DCC: variants seen among roughly 807,000 people sequenced by gnomAD.
DCC encodes the protein netrin receptor DCC.
Under a neutral mutation model 172.5 loss-of-function variants are expected in DCC, and 58 were observed. That is an observed-to-expected ratio of 0.34 (90% CI 0.27 to 0.42). The LOEUF (loss-of-function observed/expected upper bound fraction) is 0.42. Ranked by LOEUF, DCC falls within the 10% of genes least tolerant of loss-of-function variation. The pLI is 1.00. For synonymous variants in DCC, 709 were observed against 644.5 expected (o/e 1.10, Z -1.52); for missense variants, 1,740 against 1,791.0 (o/e 0.97, Z 0.51).
chr18:52,968,040 G>A (rs2040964347), intron 5 of DCC, among the ~76,000 whole-genome samples: 1 of 152,052 alleles, frequency 6.6e-6, no homozygotes, highest in Admixed American at 6.6e-5. Context: ...CAGAATAAAG[G>A]GATCTTGGAA....
intron 10 of DCC, among the ~76,000 whole-genome samples, chr18:53,206,173 A>ATATATAATATATAT (rs1383985841): frequency 0.066 from 51 of 772 alleles, no homozygotes; most frequent in Non-Finnish European, 0.17. Flanking sequence ...ATACATATAC[A>ATATATAATATATAT]TATATAATAC....
At chr18:53,447,803 A>AT (rs1599161477) in intron 22 of DCC, among the ~76,000 whole-genome samples, 1 of 152,224 alleles carries the variant, frequency 6.6e-6, no homozygotes, top group African/African-American at 2.4e-5. Flanking sequence ...TTTTTAAATA[A>AT]TAAGTAAAAC....
At chr18:53,313,489 G>A (rs948375442) in intron 13 of DCC, among the ~76,000 whole-genome samples, 1 of 151,970 alleles carries the variant, frequency 6.6e-6, no homozygotes, top group Non-Finnish European at 1.5e-5. Context: ...CAAGTGATTC[G>A]CCTGCCTCGG....
intron 22 of DCC, among the ~76,000 whole-genome samples, chr18:53,437,017 A>G (rs903404600): frequency 1.3e-5 from 2 of 152,124 alleles, no homozygotes; most frequent in African/African-American, 4.8e-5. Context: ...TCATGACCTA[A>G]TTATCTCCCA....
intron 2 of DCC, among the ~76,000 whole-genome samples, chr18:52,846,551 A>T (rs889006304): frequency 1.5e-4 from 22 of 150,984 alleles, no homozygotes; most frequent in African/African-American, 4.9e-4. Flanking sequence ...AGAGAAAAAA[A>T]AAATTCAGAT....
At chr18:53,185,517 C>T (rs1186855156) in intron 9 of DCC, among the ~76,000 whole-genome samples, 2 of 151,924 alleles carry the variant, frequency 1.3e-5, no homozygotes, top group Non-Finnish European at 2.9e-5. Flanking sequence ...AGCCCTATTC[C>T]AACTTCTTAG....
At chr18:53,369,389 T>C (rs976717944) in intron 15 of DCC, among the ~76,000 whole-genome samples, 1 of 151,868 alleles carries the variant, frequency 6.6e-6, no homozygotes, top group African/African-American at 2.4e-5. Flanking sequence ...ATTTGCAAAA[T>C]CTTAGGGTTT....
intron 4 of DCC, among the ~76,000 whole-genome samples, chr18:52,924,823 ACT>A (rs2040176924): frequency 6.6e-6 from 1 of 152,026 alleles, no homozygotes; most frequent in African/African-American, 2.4e-5. Flanking sequence ...ATAGCCAAGC[ACT>A]CTTAGTGCAG....
intron 2 of DCC, among the ~76,000 whole-genome samples, chr18:52,825,588 A>G (rs1376993168): frequency 6.6e-6 from 1 of 152,210 alleles, no homozygotes; most frequent in Non-Finnish European, 1.5e-5. Flanking sequence ...AAAAAGTACA[A>G]CACTCCAAGG....
At chr18:53,139,312 C>A (rs1442508425) in intron 7 of DCC, among the ~76,000 whole-genome samples, 1 of 152,110 alleles carries the variant, frequency 6.6e-6, no homozygotes, top group African/African-American at 2.4e-5. Flanking sequence ...CTTCTGGGAT[C>A]AGAAAATCAC....
chr18:52,952,432 G>A (rs1476198966), intron 5 of DCC, among the ~76,000 whole-genome samples: 1 of 152,068 alleles, frequency 6.6e-6, no homozygotes, highest in Admixed American at 6.5e-5. Context: ...ATGTGTGGAG[G>A]GAGAAGACCC....
intron 5 of DCC, among the ~76,000 whole-genome samples, chr18:53,032,150 T>C (rs904858580): frequency 6.6e-6 from 1 of 152,138 alleles, no homozygotes; most frequent in African/African-American, 2.4e-5. Flanking sequence ...TGAATCAGTT[T>C]ATTTTTTCCT....
At chr18:52,808,427 C>A (rs1451708405) in intron 2 of DCC, among the ~76,000 whole-genome samples, 1 of 151,436 alleles carries the variant, frequency 6.6e-6, no homozygotes, top group African/African-American at 2.4e-5. Context: ...CTACAACCTC[C>A]CACCCACAAA....
intron 1 of DCC, among the ~76,000 whole-genome samples, chr18:52,582,436 C>T (rs1296482829): frequency 6.6e-6 from 1 of 152,146 alleles, no homozygotes; most frequent in Non-Finnish European, 1.5e-5. Context: ...CACAGTTCTG[C>T]TGGTTATTTA....
intron 1 of DCC, among the ~76,000 whole-genome samples, chr18:52,598,808 A>T (rs766617784): frequency 8.5e-5 from 13 of 152,176 alleles, no homozygotes; most frequent in Admixed American, 3.3e-4. Flanking sequence ...GAAGTCCAAG[A>T]TCAAGGCTCT....
At chr18:52,716,075 G>A (rs2036376901) in intron 1 of DCC, among the ~76,000 whole-genome samples, 1 of 152,194 alleles carries the variant, frequency 6.6e-6, no homozygotes, top group Non-Finnish European at 1.5e-5. Flanking sequence ...GACCTTGGGA[G>A]CCACTGCAGT....
chr18:52,526,556 C>G (rs2031986386), intron 1 of DCC, among the ~76,000 whole-genome samples: 3 of 152,000 alleles, frequency 2.0e-5, no homozygotes, highest in Non-Finnish European at 4.4e-5. Flanking sequence ...TTTTCTATCT[C>G]ATGTCATCAT....
intron 12 of DCC, among the ~76,000 whole-genome samples, chr18:53,266,054 G>C (rs561279912): frequency 7.9e-4 from 121 of 152,260 alleles, no homozygotes; most frequent in African/African-American, 2.8e-3. Flanking sequence ...GCCCTTTCCT[G>C]CTCTGGGGTC....
chr18:52,977,101 C>T (rs1299674330), intron 5 of DCC, among the ~76,000 whole-genome samples: 7 of 152,050 alleles, frequency 4.6e-5, no homozygotes, highest in Admixed American at 3.9e-4. Context: ...TCACACTTCT[C>T]GTGCAGAAAA....
Sources: gnomAD v4.1 joint callset for allele counts (sites outside exome capture counted in the v4.1 genomes callset) on GRCh38, gnomAD v4.1.1 for gene constraint, MANE v1.5 for transcripts, NCBI Gene and HGNC (gene_info 2026-07-23, HGNC 2026-07-21) for gene names.